DDX11: variants seen among roughly 807,000 people sequenced by gnomAD.
DDX11 encodes ATP-dependent DNA helicase DDX11.
DDX11 carries 72 observed loss-of-function variants against 125.2 expected under a neutral mutation model. The observed-to-expected ratio is 0.58, with a 90% CI of 0.48 to 0.70. The LOEUF is 0.70. Ranked by LOEUF, DDX11 falls within the 30% of genes least tolerant of loss-of-function variation. The pLI, the probability that DDX11 is intolerant of heterozygous loss-of-function variation, is 0.00. For missense variants in DDX11, 883 were observed against 1,165.0 expected, an observed-to-expected ratio of 0.76 and a Z score of 3.52; for synonymous variants, 347 against 452.6, an observed-to-expected ratio of 0.77 and a Z score of 2.96.
chr12:31,099,084 CTTT>C (rs763612105), intron 18 of DDX11, among the ~76,000 whole-genome samples: 20 of 63,720 alleles, frequency 3.1e-4, no homozygotes, highest in South Asian at 2.0e-3. Context: ...TTCTTTCTTT[CTTT>C]TTTTTTTTTT....
chr12:31,084,479 G>A, intron 3 of DDX11, 104 bp from the exon 4 acceptor site: 1 of 1,016,748 alleles, frequency 9.8e-7, no homozygotes, highest in Non-Finnish European at 1.5e-6. Flanking sequence ...GGGAAGGAGA[G>A]ATGCCCCCAG....
At position 31,084,645 on chromosome 12, in the gene DDX11, G is replaced by A. The variant is rs778650043; in HGVS notation, c.456G>A (p.Gln152=). 9.4e-6 allele frequency: 15 copies of A among 1,590,304 alleles called. No individual in the cohort carries two copies. In the Admixed American group the frequency reaches 2.6e-4, roughly 28 times the overall value. The change falls in exon 4 of 27, where the codon CAG becomes CAA. Residue 152 remains glutamine (Q), a synonymous_variant. Coordinates refer to ENST00000542838, the MANE Select transcript of DDX11 (RefSeq NM_030653.4). ...TGCAGCAGCTGCAGCACAGGGTGCAGCTCAAGTATGCAGCCAAGCGCCTGG... is the reference window on the plus strand; with the variant it reads ...TGCAGCAGCTGCAGCACAGGGTGCAACTCAAGTATGCAGCCAAGCGCCTGG... ...ERLQQLQHRV[Q]LKYAAKRLRQ...
intron 2 of DDX11, among the ~76,000 whole-genome samples, chr12:31,081,293 C>G (rs1483657679): frequency 6.6e-6 from 1 of 152,204 alleles, no homozygotes; most frequent in African/African-American, 2.4e-5. Context: ...CCTGGGTGTC[C>G]CGCAGCCCAT....
rs531722931 is a variant in DDX11 at position 31,102,553 on chromosome 12, T to C, written c.2372+26T>C. 342 of 1,604,718 alleles carry C rather than the reference T, an allele frequency of 2.1e-4. 3 individuals are homozygous for C. The South Asian group carries it at 3.6e-3, about 17-fold the overall frequency. On this transcript the variant is annotated intron_variant, in intron 23 of 26. Transcript: ENST00000542838. ...GTAAGTAGTGGTTCTGCTCGTCTCCTGGGCCGTGATACATGGCCGGCCCTC... is the reference window on the plus strand; with the variant it reads ...GTAAGTAGTGGTTCTGCTCGTCTCCCGGGCCGTGATACATGGCCGGCCCTC...
At chr12:31,096,237 C>T (rs746114966) in intron 14 of DDX11, 104 bp from the exon 15 acceptor site, 9 of 1,405,746 alleles carry the variant, frequency 6.4e-6, no homozygotes, top group South Asian at 3.7e-5. Flanking sequence ...GGTAGCACTG[C>T]GTTGTGCTGC....
At chr12:31,094,211 T>C in intron 12 of DDX11, 1 of 324,000 alleles carries the variant, frequency 3.1e-6, no homozygotes, top group Non-Finnish European at 6.0e-6. Flanking sequence ...CGGGAGCTGG[T>C]CTCGTGTTGC....
chr12:31,080,902 A>G (rs1414586120), intron 2 of DDX11, among the ~76,000 whole-genome samples: 18 of 152,064 alleles, frequency 1.2e-4, no homozygotes, highest in Admixed American at 5.9e-4. Flanking sequence ...GCACCATCAC[A>G]CCTAGCTAAT....
intron 10 of DDX11, among the ~76,000 whole-genome samples, chr12:31,092,081 C>G (rs1037761672): frequency 6.6e-6 from 1 of 152,276 alleles, no homozygotes; most frequent in Non-Finnish European, 1.5e-5. Context: ...TTCCCTGCAC[C>G]TCATCTGCCC....
At chr12:31,083,335 A>C (rs1049768053) in intron 2 of DDX11, among the ~76,000 whole-genome samples, 3 of 151,200 alleles carry the variant, frequency 2.0e-5, no homozygotes, top group African/African-American at 7.3e-5. Context: ...ACAAAACAAA[A>C]CACAAACCGT....
chr12:31,097,945 A>C lies in DDX11; in HGVS notation c.1823A>C (p.Gln608Pro). The change falls in exon 18 of 27, where the codon CAA becomes CCA. Residue 608 changes from glutamine to proline, a missense_variant. By Grantham distance (76) the Gln-to-Pro change is moderately conservative. Around this residue, in one of 5 missense-constraint regions of DDX11, gnomAD observed 241 missense variants for 279.7 expected, o/e 0.86. Transcript: ENST00000542838. ...CTGAATCCAGCTGTGCACTTTGCCC[A>C]AGTGGTGAAGGAATGCCGGGCAGTG... ...LLLNPAVHFA[Q>P]VVKECRAVVI... 2 of 1,613,840 alleles carry C rather than the reference A, an allele frequency of 1.2e-6. No homozygotes were observed. The highest frequency in any genetic ancestry group is 3.3e-5 in the Admixed American group (2 of 60,012).
rs1342397292 is a variant in DDX11, at chr12:31,084,683, C to T, written c.480+14C>T. ...GCCAAGCGCCTGGTGAGCCTCATTT[C>T]TTGGGGGGCAGGATTATGTCCAGGC... On this transcript the variant is annotated intron_variant, in intron 4 of 26. Transcript: ENST00000542838. 1.3e-6 allele frequency: 2 copies of T among 1,572,250 alleles called. No individual in the cohort carries two copies. Among genetic ancestry groups the T allele is most frequent in the Admixed American group, 1.8e-5 (1 of 56,106 alleles).
rs760906062 is a variant in DDX11, at chr12:31,101,885, G to A, written c.2105G>A (p.Gly702Glu). ...LCNLCGVVPG[G>E]VVCFFPSYEY... ...AACCTGTGCGGTGTGGTTCCTGGAG[G>A]GGTGGTCTGTTTCTTCCCCTCCTAC... The change falls in exon 21 of 27, where the codon GGG becomes GAG. Residue 702 changes from glycine (G) to glutamate (E), a missense_variant. Gly to Glu is a moderately conservative substitution (Grantham distance 98). This residue lies in a region of DDX11 where 285 missense variants were observed against 346.0 expected (regional missense o/e 0.82). Coordinates refer to ENST00000542838, the MANE Select transcript of DDX11 (RefSeq NM_030653.4). The A allele has an allele frequency of 1.2e-6, 2 of 1,613,978 alleles. No individual in the cohort carries two copies. Among genetic ancestry groups the A allele is most frequent in the South Asian group, 1.1e-5 (1 of 91,078 alleles).
intron 14 of DDX11, among the ~76,000 whole-genome samples, chr12:31,095,458 C>G (rs1160525059): frequency 6.6e-6 from 1 of 152,248 alleles, no homozygotes; most frequent in Non-Finnish European, 1.5e-5. Context: ...GAGCCAATAG[C>G]AAGTGGCAGA....
intron 10 of DDX11, 141 bp downstream of exon 10, chr12:31,092,012 G>A (rs1944334467): frequency 6.7e-6 from 8 of 1,195,750 alleles, no homozygotes; most frequent in Admixed American, 5.9e-5. Context: ...TGACCTCATC[G>A]GAGGCTGACC....
chr12:31,083,317 A>AAC (rs1253459919), intron 2 of DDX11, among the ~76,000 whole-genome samples: 5 of 146,336 alleles, frequency 3.4e-5, no homozygotes, highest in Admixed American at 1.4e-4. Context: ...TTGCTTAAAA[A>AAC]AAAAAAAACA....
At chr12:31,101,269 G>A in intron 20 of DDX11, 139 bp downstream of exon 20, 1 of 750,296 alleles carries the variant, frequency 1.3e-6, no homozygotes, top group South Asian at 1.5e-5. Context: ...GAGCCACACA[G>A]AATGAGCGGC....
In DDX11 at chr12:31,101,085, C is replaced by T. The variant is rs781532876; in HGVS notation, c.2007C>T (p.Asn669=). Residue 669 remains asparagine (N), a synonymous_variant, in exon 20 of 27, where the codon AAC becomes AAT. Transcript: ENST00000542838. Reference sequence around the variant, plus strand: ...TCGTCATCTGCAGCGGGATCTCCAACCAGCCGCTGGAATTCACGTTCCAGA... The same window carrying T: ...TCGTCATCTGCAGCGGGATCTCCAATCAGCCGCTGGAATTCACGTTCCAGA... ...LPLVICSGIS[N]QPLEFTFQKR... is the part of the protein sequence containing the mutation. 6.8e-6 allele frequency: 11 copies of T among 1,614,100 alleles called. No individual in the cohort carries two copies. Among genetic ancestry groups the T allele is most frequent in the Non-Finnish European group, 9.3e-6 (11 of 1,180,044 alleles).
rs1351828597 is a variant in DDX11, at chr12:31,090,111, G to T, written c.1089+17G>T. On this transcript the variant is annotated intron_variant, in intron 9 of 26. Coordinates refer to ENST00000542838, the MANE Select transcript of DDX11 (RefSeq NM_030653.4). ...GCAGCCCAGGTGAGGGCCCTGCAGGGCCAGAAAGCCGCTCTTGACTCTCAC... is the reference window on the plus strand; with the variant it reads ...GCAGCCCAGGTGAGGGCCCTGCAGGTCCAGAAAGCCGCTCTTGACTCTCAC... 2.6e-6 allele frequency: 4 copies of T among 1,549,282 alleles called. No individual in the cohort carries two copies. The highest frequency in any genetic ancestry group is 2.4e-5 in the East Asian group (1 of 40,912).
rs1470587221 is a variant in DDX11, at chr12:31,100,670, C to T, written c.1911C>T (p.Ala637=). 1.1e-5 allele frequency: 17 copies of T among 1,553,064 alleles called. No individual in the cohort carries two copies. Among genetic ancestry groups the T allele is most frequent in the African/African-American group, 1.1e-4 (8 of 73,276 alleles). The stretch of plus-strand genomic sequence containing the variant: ...TCCGGCAGCAGCTGCTGGCCTGTGC[C>T]GGGGTGGAAGCTGAGCGCGTGGTGG... ...SDFRQQLLAC[A]GVEAERVVEF... is the part of the protein sequence containing the mutation. The change falls in exon 19 of 27, where the codon GCC becomes GCT. Residue 637 remains alanine, a synonymous_variant. Transcript: ENST00000542838.
Sources: gnomAD v4.1 joint callset for allele counts (sites outside exome capture counted in the v4.1 genomes callset) on GRCh38, gnomAD v4.1.1 for gene constraint, gnomAD v4.1.1 regional missense constraint, MANE v1.5 for transcripts, NCBI Gene and HGNC (gene_info 2026-07-23, HGNC 2026-07-21) for gene names.